Variants in PLAAT5 observed in about 807,000 individuals in gnomAD.
PLAAT5 encodes phospholipase A and acyltransferase 5.
PLAAT5 carries 27 observed loss-of-function variants against 27.8 expected under a neutral mutation model. The ratio of observed to expected loss-of-function variants is 0.97; its 90% confidence interval spans 0.72 to 1.34. PLAAT5 has a LOEUF of 1.34. PLAAT5 is among the 40% of genes most tolerant of loss of function. The pLI is 0.00. For synonymous variants in PLAAT5, 125 were observed against 136.1 expected, an observed-to-expected ratio of 0.92 and a Z score of 0.57; for missense variants, 368 against 343.8, an observed-to-expected ratio of 1.07 and a Z score of -0.56.
At chr11:63,464,630 T>C (rs1300589997) in intron 5 of PLAAT5, among the ~76,000 whole-genome samples, 1 of 151,664 alleles carries the variant, frequency 6.6e-6, no homozygotes, top group South Asian at 2.1e-4. Context: ...CACTCCAGTC[T>C]GGGTGACAGA....
intron 3 of PLAAT5, among the ~76,000 whole-genome samples, 181 bp from the exon 4 acceptor site, chr11:63,468,646 C>G (rs985189164): frequency 6.6e-6 from 1 of 152,108 alleles, no homozygotes; most frequent in Non-Finnish European, 1.5e-5. Flanking sequence ...CTCTCCTACC[C>G]CACTCACATT....
rs149325309 is a variant in PLAAT5, at chr11:63,490,901, G to C, written c.134C>G (p.Ala45Gly). 1,252 of 1,604,710 alleles carry C rather than the reference G, an allele frequency of 7.8e-4. 2 individuals are homozygous for C. The highest frequency in any genetic ancestry group is 1.0e-3 in the Non-Finnish European group (1,196 of 1,176,026). The stretch of plus-strand genomic sequence containing the variant: ...TTGGGGCTGACCTGAGTGGGGCACA[G>C]CTGAACGTCTGAGCGCAGGCGGCTG... ...KDQPPALRRS[A>G]VPHSEESVGF... Residue 45 changes from alanine (A) to glycine (G), a missense_variant, in exon 1 of 6, where the codon GCT becomes GGT. By Grantham distance (60) the Ala-to-Gly change is moderately conservative. Coordinates refer to ENST00000540857, the MANE Select transcript of PLAAT5 (RefSeq NM_001146729.2).
intron 3 of PLAAT5, among the ~76,000 whole-genome samples, chr11:63,476,608 TAA>T (rs927348910): frequency 6.6e-5 from 10 of 152,322 alleles, no homozygotes; most frequent in African/African-American, 1.9e-4. Flanking sequence ...TTGTATACAA[TAA>T]GTCTTTTTTT....
At chr11:63,474,556 T>C (rs1397184987) in intron 3 of PLAAT5, among the ~76,000 whole-genome samples, 1 of 152,148 alleles carries the variant, frequency 6.6e-6, no homozygotes, top group East Asian at 1.9e-4. Context: ...TGCTCTCTCT[T>C]TTTTTCTTGG....
At chr11:63,481,387 C>G (rs7935716) in intron 3 of PLAAT5, among the ~76,000 whole-genome samples, 10,075 of 152,272 alleles carry the variant, frequency 0.066, 708 homozygotes, top group African/African-American at 0.17. Flanking sequence ...TTGCAGTGAG[C>G]CAAGATCGTG....
At chr11:63,466,080 A>T (rs1481671940) in intron 5 of PLAAT5, 30 bp downstream of exon 5, 1 of 1,601,120 alleles carries the variant, frequency 6.2e-7, no homozygotes, top group Non-Finnish European at 8.5e-7. Context: ...GCTCTGGAAG[A>T]AGCCATCATC....
At chr11:63,471,104 A>C (rs115216338) in intron 3 of PLAAT5, among the ~76,000 whole-genome samples, 5,312 of 152,282 alleles carry the variant, frequency 0.035, 209 homozygotes, top group African/African-American at 0.093. Context: ...CAGCATGAAG[A>C]ACACCAGAGA....
intron 5 of PLAAT5, among the ~76,000 whole-genome samples, chr11:63,464,273 G>A (rs2015794396): frequency 1.3e-5 from 2 of 152,176 alleles, no homozygotes; most frequent in African/African-American, 4.8e-5. Flanking sequence ...TGGAATGTGA[G>A]CCCAATCTGC....
chr11:63,490,122 G>T (rs1041657749), intron 2 of PLAAT5, 121 bp downstream of exon 2: 2 of 1,306,628 alleles, frequency 1.5e-6, no homozygotes, highest in East Asian at 2.3e-5. Context: ...CCCCTTGCTG[G>T]GTACCGGCTG....
chr11:63,470,051 T>G (rs1168918774), intron 3 of PLAAT5: 1 of 151,892 alleles, frequency 6.6e-6, no homozygotes, highest in Non-Finnish European at 1.5e-5. Flanking sequence ...ATCGCGCCAT[T>G]GCACTTCAGC....
At chr11:63,484,340 AAAAAG>A (rs1445103772) in intron 3 of PLAAT5, among the ~76,000 whole-genome samples, 1 of 152,052 alleles carries the variant, frequency 6.6e-6, no homozygotes, top group Non-Finnish European at 1.5e-5. Context: ...ACATAAAAAA[AAAAAG>A]AAAACTACAG....
intron 3 of PLAAT5, among the ~76,000 whole-genome samples, chr11:63,484,705 T>G (rs1213783330): frequency 1.3e-5 from 2 of 152,126 alleles, no homozygotes; most frequent in Non-Finnish European, 2.9e-5. Flanking sequence ...TGGGGAAAAG[T>G]TGAAAGCATT....
chr11:63,474,900 CTTTT>C (rs1248306549), intron 3 of PLAAT5, among the ~76,000 whole-genome samples: 4 of 151,754 alleles, frequency 2.6e-5, no homozygotes, highest in Non-Finnish European at 5.9e-5. Context: ...CTTCCTTGTT[CTTTT>C]TTTGACCATG....
intron 2 of PLAAT5, among the ~76,000 whole-genome samples, chr11:63,489,939 T>C (rs540540561): frequency 2.3e-4 from 35 of 152,346 alleles, no homozygotes; most frequent in African/African-American, 8.4e-4. Flanking sequence ...GCCGACTCAT[T>C]GTTCACTGAT....
chr11:63,463,141 G>C lies in PLAAT5; in HGVS notation c.*362C>G, dbSNP rs2015760461. 1 of 208,098 alleles carries C rather than the reference G, an allele frequency of 4.8e-6. No homozygotes were observed. Among genetic ancestry groups the C allele is most frequent in the Non-Finnish European group, 9.6e-6 (1 of 104,344 alleles). The allele number at this position is 208,098 out of a possible 1,614,324, so 12.9% of individuals were successfully genotyped here. ...CATCTTCGTTACTGGAAATATTCAAGCAGAGGTTTCTGGGATGTTTCTGAT... is the reference window on the plus strand; with the variant it reads ...CATCTTCGTTACTGGAAATATTCAACCAGAGGTTTCTGGGATGTTTCTGAT... On this transcript the variant is annotated 3_prime_UTR_variant, in exon 6 of 6. Transcript: ENST00000540857.
Position 63,488,958 on chromosome 11 carries a change from G to A in PLAAT5, c.258C>T (p.Ser86=). Residue 86 remains serine, a synonymous_variant, in exon 3 of 6, where the codon AGC becomes AGT. Coordinates refer to ENST00000540857, the MANE Select transcript of PLAAT5 (RefSeq NM_001146729.2). ...SIQQGEKAVV[S]LETTPSQKAD... ...CTTTCTGGCTGGGTGTGGTCTCCAA[G>A]CTAACTACAGCCTTCTCCCTAAATG... The A allele has an allele frequency of 6.2e-7, 1 of 1,611,964 alleles. No homozygotes were observed. The highest frequency in any genetic ancestry group is 8.5e-7 in the Non-Finnish European group (1 of 1,178,298).
rs184540665 is a variant in PLAAT5, at chr11:63,489,632, T to C, written c.239+611A>G. 2.1e-3 allele frequency among the ~76,000 whole-genome samples: 325 copies of C among 152,362 alleles called. 1 individual carries two copies. Among genetic ancestry groups the C allele is most frequent in the African/African-American group, 7.1e-3 (295 of 41,582 alleles). ...CCCACCTTGAGCTAGTAAATTAATG[T>C]CTGACTCTCAGCTTGATTATCTTTA... On this transcript the variant is annotated intron_variant, in intron 2 of 5. Transcript: ENST00000540857.
Position 63,490,300 on chromosome 11 carries a change from A to G in PLAAT5, c.182T>C (p.Leu61Pro), listed in dbSNP as rs773929456. Residue 61 changes from leucine to proline, a missense_variant, in exon 2 of 6, where the codon CTC becomes CCC. Coordinates refer to ENST00000540857, the MANE Select transcript of PLAAT5 (RefSeq NM_001146729.2). ...ESVGFAALVQ[L>P]PAKQPPPGTL... ...GCCCGGCGGAGGCTGCTTGGCTGGGAGCTGGACCAACGCTGCGAATCCCAC... is the reference window on the plus strand; with the variant it reads ...GCCCGGCGGAGGCTGCTTGGCTGGGGGCTGGACCAACGCTGCGAATCCCAC... 3 of 1,614,110 alleles carry G rather than the reference A, an allele frequency of 1.9e-6. No individual in the cohort carries two copies. The highest frequency in any genetic ancestry group is 1.3e-5 in the African/African-American group (1 of 75,006).
intron 3 of PLAAT5, among the ~76,000 whole-genome samples, chr11:63,477,869 A>G (rs974529167): frequency 2.0e-5 from 3 of 152,012 alleles, no homozygotes; most frequent in Admixed American, 2.0e-4. Context: ...TTGTCAGTGG[A>G]TCTCTGTGTG....
Sources: gnomAD v4.1 joint callset for allele counts (sites outside exome capture counted in the v4.1 genomes callset) on GRCh38, gnomAD v4.1.1 for gene constraint, MANE v1.5 for transcripts, NCBI Gene and HGNC (gene_info 2026-07-23, HGNC 2026-07-21) for gene names.